Variants in DOK6 observed in about 807,000 individuals in gnomAD.
The protein encoded by DOK6 is downstream of tyrosine kinase 6.
In DOK6, 22 loss-of-function variants were observed where a neutral mutation model predicts 44.0. The ratio of observed to expected loss-of-function variants is 0.50; its 90% confidence interval spans 0.36 to 0.71. The LOEUF (loss-of-function observed/expected upper bound fraction) is 0.71, where lower values mean the gene tolerates loss of function less well. Ranked by LOEUF, DOK6 falls within the 30% of genes least tolerant of loss-of-function variation. The pLI is 0.00. For missense variants in DOK6, 340 were observed against 416.4 expected, an observed-to-expected ratio of 0.82 and a Z score of 1.60; for synonymous variants, 166 against 145.5, an observed-to-expected ratio of 1.14 and a Z score of -1.01.
intron 3 of DOK6, chr18:69,662,215 G>A (rs1985546639): frequency 6.6e-6 from 1 of 152,228 alleles, no homozygotes; most frequent in African/African-American, 2.4e-5. Context: ...CCTAATCTCA[G>A]CTGATCCACC....
intron 7 of DOK6, among the ~76,000 whole-genome samples, chr18:69,813,078 T>C (rs1981291011): frequency 2.0e-5 from 3 of 152,262 alleles, no homozygotes; most frequent in Admixed American, 1.3e-4. Context: ...AGTAGCTTCA[T>C]CTTATGCAGA....
At chr18:69,839,225 C>T (rs189361275) in intron 7 of DOK6, among the ~76,000 whole-genome samples, 1 of 150,644 alleles carries the variant, frequency 6.6e-6, no homozygotes, top group Non-Finnish European at 1.5e-5. Flanking sequence ...CCAGTCTCTC[C>T]CTAACTCATC....
chr18:69,487,916 C>T (rs868208092), intron 1 of DOK6, among the ~76,000 whole-genome samples: 3 of 152,136 alleles, frequency 2.0e-5, no homozygotes, highest in Admixed American at 6.5e-5. Context: ...TCTGAGGGTC[C>T]CAAACAGCCT....
At chr18:69,445,434 A>G (rs1318629184) in intron 1 of DOK6, among the ~76,000 whole-genome samples, 1 of 152,172 alleles carries the variant, frequency 6.6e-6, no homozygotes, top group Non-Finnish European at 1.5e-5. Context: ...CTTTTCATAA[A>G]CGCCTTTTAT....
At position 69,844,374 on chromosome 18, in the gene DOK6, A is replaced by C. The variant is rs1222079627; in HGVS notation, c.*2991A>C. 1 of 152,194 alleles carries C rather than the reference A, an allele frequency of 6.6e-6. No homozygotes were observed. Among genetic ancestry groups the C allele is most frequent in the Non-Finnish European group, 1.5e-5 (1 of 68,028 alleles). 9.4% of individuals were successfully genotyped at this position (152,194 alleles called of 1,614,324 possible). On this transcript the variant is annotated 3_prime_UTR_variant, in exon 8 of 8. Transcript: ENST00000382713. The stretch of plus-strand genomic sequence containing the variant: ...AAAGGAACCCAACGTAAGGAATAGC[A>C]GTTCTGAAAATAGACAAAGCCTAGA...
intron 1 of DOK6, among the ~76,000 whole-genome samples, chr18:69,549,649 A>G (rs949656745): frequency 2.6e-5 from 4 of 151,312 alleles, no homozygotes; most frequent in Admixed American, 2.6e-4. Flanking sequence ...TTGTATCTCA[A>G]CTCATCAAGT....
chr18:69,707,736 C>T (rs1266068724), intron 5 of DOK6, among the ~76,000 whole-genome samples: 1 of 152,064 alleles, frequency 6.6e-6, no homozygotes, highest in Non-Finnish European at 1.5e-5. Flanking sequence ...TGTTCATAGC[C>T]CTTTCTTGGG....
chr18:69,617,730 G>GAAAGAAAGAAAAA lies in DOK6; in HGVS notation c.289+18232_289+18233insAAAGAAAGAAAAA. Among the ~76,000 whole-genome samples, 154 of 88,690 alleles carry GAAAGAAAGAAAAA rather than the reference G, an allele frequency of 1.7e-3. 6 individuals are homozygous for GAAAGAAAGAAAAA. Among genetic ancestry groups the GAAAGAAAGAAAAA allele is most frequent in the Middle Eastern group, 5.3e-3 (1 of 188 alleles). The allele number at this position is 88,690 out of a possible 152,430, so 58.2% of individuals were successfully genotyped here. A position where few individuals can be genotyped will look rare whatever the true frequency, so the allele number is the denominator to read the frequency against. On this transcript the variant is annotated intron_variant, in intron 3 of 7. Transcript: ENST00000382713. ...AGAAAAGAAAGAAAGAAAGAAAAAA[G>GAAAGAAAGAAAAA]GGGGAAGGAGGGAAGGAAGGAAGGA...
chr18:69,516,184 A>G (rs1231550906), intron 1 of DOK6, among the ~76,000 whole-genome samples: 1 of 152,180 alleles, frequency 6.6e-6, no homozygotes, highest in Non-Finnish European at 1.5e-5. Flanking sequence ...AAAGTGTGCT[A>G]TCTCCAAGAA....
At position 69,636,373 on chromosome 18, in the gene DOK6, C is replaced by T. The variant is rs552821494; in HGVS notation, c.289+36875C>T. 2.2e-3 allele frequency among the ~76,000 whole-genome samples: 328 copies of T among 152,290 alleles called. 3 individuals are homozygous for T. Among genetic ancestry groups the T allele is most frequent in the African/African-American group, 7.4e-3 (306 of 41,572 alleles). On this transcript the variant is annotated intron_variant, in intron 3 of 7. Coordinates refer to ENST00000382713, the MANE Select transcript of DOK6 (RefSeq NM_152721.6). The stretch of plus-strand genomic sequence containing the variant: ...AAGTGGCACAGACCCCCTTGTCACA[C>T]GTCCTTAATTAATGCCCTGGCACCT...
At chr18:69,458,117 CATTGCACT>C (rs1488073742) in intron 1 of DOK6, among the ~76,000 whole-genome samples, 1 of 152,160 alleles carries the variant, frequency 6.6e-6, no homozygotes, top group African/African-American at 2.4e-5. Context: ...AAGGTCATGC[CATTGCACT>C]CCAGCCTGGG....
rs746868353 is a variant in DOK6 at position 69,645,625 on chromosome 18, T to TA, written c.290-32102dup. ...AAACAGCTTGGCAGTTTCTTCATATTAAAAAAATGCATTCTTACTATATAA... is the reference window on the plus strand; with the variant it reads ...AAACAGCTTGGCAGTTTCTTCATATTAAAAAAAATGCATTCTTACTATATAA... On this transcript the variant is annotated intron_variant, in intron 3 of 7. Coordinates refer to ENST00000382713, the MANE Select transcript of DOK6 (RefSeq NM_152721.6). 3.9e-5 allele frequency among the ~76,000 whole-genome samples: 6 copies of TA among 151,978 alleles called. No homozygotes were observed. In the East Asian group the frequency reaches 7.7e-4, roughly 20 times the overall value.
intron 1 of DOK6, among the ~76,000 whole-genome samples, chr18:69,488,370 G>A (rs80043784): frequency 0.013 from 1,941 of 152,242 alleles, 39 homozygotes; most frequent in African/African-American, 0.044. Context: ...CCCTCCCTCT[G>A]TTTGGGCTGC....
At chr18:69,562,847 A>T (rs1228579001) in intron 1 of DOK6, among the ~76,000 whole-genome samples, 1 of 152,220 alleles carries the variant, frequency 6.6e-6, no homozygotes, top group East Asian at 1.9e-4. Flanking sequence ...AGAAACTACC[A>T]TCAGAGTGAA....
At chr18:69,672,990 C>T (rs186373357) in intron 3 of DOK6, among the ~76,000 whole-genome samples, 1 of 152,130 alleles carries the variant, frequency 6.6e-6, no homozygotes, top group Admixed American at 6.5e-5. Context: ...CTGCACAGAA[C>T]ATAAGAATTA....
chr18:69,748,300 T>G (rs1010420417), intron 6 of DOK6, among the ~76,000 whole-genome samples: 1 of 151,976 alleles, frequency 6.6e-6, no homozygotes, highest in Admixed American at 6.6e-5. Flanking sequence ...AGTGGGAGAA[T>G]TTAACACCCC....
chr18:69,753,512 C>T (rs754551971), intron 6 of DOK6, among the ~76,000 whole-genome samples: 3 of 152,178 alleles, frequency 2.0e-5, no homozygotes, highest in Non-Finnish European at 4.4e-5. Flanking sequence ...CTTATTTGAG[C>T]TGTGATCTCT....
At chr18:69,539,703 A>G (rs941372295) in intron 1 of DOK6, among the ~76,000 whole-genome samples, 1 of 152,198 alleles carries the variant, frequency 6.6e-6, no homozygotes, top group African/African-American at 2.4e-5. Context: ...AGGTTTTGCT[A>G]TATGAACAAT....
At chr18:69,762,700 G>A (rs150859704) in intron 7 of DOK6, among the ~76,000 whole-genome samples, 2 of 152,308 alleles carry the variant, frequency 1.3e-5, no homozygotes, top group African/African-American at 4.8e-5. Flanking sequence ...TGTACTCAAA[G>A]TTTTTTAAAT....
Sources: allele counts gnomAD v4.1 joint callset (sites outside exome capture counted in the v4.1 genomes callset), GRCh38; gene constraint gnomAD v4.1.1; transcripts MANE v1.5; gene names NCBI Gene and HGNC (gene_info 2026-07-23, HGNC 2026-07-21).